PDIA5: variants seen among roughly 807,000 people sequenced by gnomAD.
PDIA5 encodes protein disulfide-isomerase A5.
PDIA5 carries 58 observed loss-of-function variants against 77.6 expected under a neutral mutation model. The ratio of observed to expected loss-of-function variants is 0.75; its 90% CI spans 0.61 to 0.93. PDIA5 has a LOEUF of 0.93. PDIA5 is among the 40% of genes least tolerant of loss of function. The pLI is 0.00. For missense variants in PDIA5, 630 were observed against 647.7 expected, an observed-to-expected ratio of 0.97 and a Z score of 0.30; for synonymous variants, 250 against 252.1, an observed-to-expected ratio of 0.99 and a Z score of 0.08.
At chr3:123,097,882 G>C (rs190838242) in intron 3 of PDIA5, among the ~76,000 whole-genome samples, 3 of 152,244 alleles carry the variant, frequency 2.0e-5, no homozygotes, top group Admixed American at 2.0e-4. Flanking sequence ...GTAGTCGTGG[G>C]CACAAAGTTA....
At position 123,150,381 on chromosome 3, in the gene PDIA5, C is replaced by A; in HGVS notation, c.1273+17C>A. On this transcript the variant is annotated intron_variant, in intron 14 of 16. Transcript: ENST00000316218. ...ACGCCCCTTGTAAGTAGCTTGGGTG[C>A]TCACTGAGTGGCACAGTAAGAGGGG... The A allele has an allele frequency of 6.2e-7, 1 of 1,610,406 alleles. No homozygotes were observed. Among genetic ancestry groups the A allele is most frequent in the Non-Finnish European group, 8.5e-7 (1 of 1,178,222 alleles).
intron 9 of PDIA5, 35 bp downstream of exon 9, chr3:123,124,192 C>A: frequency 6.3e-7 from 1 of 1,587,084 alleles, no homozygotes; most frequent in Non-Finnish European, 8.7e-7. Flanking sequence ...AGCTCACCTC[C>A]CTCCCTGGTG....
intron 8 of PDIA5, among the ~76,000 whole-genome samples, chr3:123,122,622 T>C (rs1431598521): frequency 2.0e-5 from 3 of 152,168 alleles, no homozygotes; most frequent in Non-Finnish European, 4.4e-5. Flanking sequence ...GTTACTGAGC[T>C]CCAGTTTTGT....
At position 123,124,082 on chromosome 3, in the gene PDIA5, A is replaced by C; in HGVS notation, c.626A>C (p.Asn209Thr). The change falls in exon 9 of 17, where the codon AAT becomes ACT. Residue 209 changes from asparagine (N) to threonine (T), a missense_variant. Asn to Thr is a moderately conservative substitution (Grantham distance 65, BLOSUM62 0). Transcript: ENST00000316218. ...LRGHAVLAGM[N>T]VYSSEFENIK... ...TCCTCCCAGGTGCTGGCCGGGATGA[A>C]TGTCTACTCCTCTGAATTTGAAAAC... 6.2e-7 allele frequency: 1 copy of C among 1,613,808 alleles called. No homozygotes were observed. The highest frequency in any genetic ancestry group is 2.2e-5 in the East Asian group (1 of 44,878).
intron 14 of PDIA5, among the ~76,000 whole-genome samples, chr3:123,153,845 G>A (rs577272892): frequency 1.3e-5 from 2 of 152,314 alleles, no homozygotes; most frequent in South Asian, 4.1e-4. Context: ...TTTTAAAAAG[G>A]AGAAAGTAGA....
At chr3:123,136,378 G>C (rs1158265700) in intron 11 of PDIA5, among the ~76,000 whole-genome samples, 1 of 152,112 alleles carries the variant, frequency 6.6e-6, no homozygotes, top group Non-Finnish European at 1.5e-5. Flanking sequence ...CCCTTCTCAG[G>C]GCTGGTCACC....
chr3:123,083,690 T>C (rs1009854052), intron 1 of PDIA5, among the ~76,000 whole-genome samples: 1 of 152,116 alleles, frequency 6.6e-6, no homozygotes, highest in Non-Finnish European at 1.5e-5. Context: ...AAGGAACAGA[T>C]AGTTTTTGCA....
At chr3:123,139,818 A>C (rs1231621507) in intron 11 of PDIA5, among the ~76,000 whole-genome samples, 1 of 152,214 alleles carries the variant, frequency 6.6e-6, no homozygotes. Flanking sequence ...TAATTCATTC[A>C]GAAAGCGTGT....
chr3:123,134,063 A>G (rs893005229), intron 11 of PDIA5, among the ~76,000 whole-genome samples: 8 of 149,398 alleles, frequency 5.4e-5, no homozygotes, highest in Admixed American at 5.4e-4. Flanking sequence ...TTGCTCTGTC[A>G]CTCAGGCTGG....
At chr3:123,133,837 A>G (rs1023047149) in intron 11 of PDIA5, among the ~76,000 whole-genome samples, 2 of 152,208 alleles carry the variant, frequency 1.3e-5, no homozygotes, top group Admixed American at 6.5e-5. Flanking sequence ...TTATGACTCT[A>G]TGCTAATTAT....
At chr3:123,133,967 GTTTTC>G (rs200601178) in intron 11 of PDIA5, among the ~76,000 whole-genome samples, 1 of 148,758 alleles carries the variant, frequency 6.7e-6, no homozygotes, top group Non-Finnish European at 1.5e-5. Context: ...AGTGTTGTTT[GTTTTC>G]TTTTCTTTTC....
intron 1 of PDIA5, among the ~76,000 whole-genome samples, chr3:123,068,749 A>G (rs996263279): frequency 1.3e-5 from 2 of 152,180 alleles, no homozygotes; most frequent in Non-Finnish European, 2.9e-5. Flanking sequence ...CGGAGAGCAA[A>G]ACACACATTG....
intron 8 of PDIA5, among the ~76,000 whole-genome samples, chr3:123,122,587 A>G (rs1162536849): frequency 6.6e-6 from 1 of 152,200 alleles, no homozygotes; most frequent in Admixed American, 6.5e-5. Flanking sequence ...TCCCATCACC[A>G]GGAAGACTTG....
intron 1 of PDIA5, among the ~76,000 whole-genome samples, chr3:123,082,505 A>T (rs1934035790): frequency 6.6e-6 from 1 of 151,566 alleles, no homozygotes; most frequent in South Asian, 2.1e-4. Flanking sequence ...GTGCCGTGTG[A>T]CCTCTTGGTC....
Position 123,111,002 on chromosome 3 carries a change from C to G in PDIA5, c.539C>G (p.Pro180Arg), listed in dbSNP as rs1200264780. 7.4e-6 allele frequency: 12 copies of G among 1,612,910 alleles called. No homozygotes were observed. The East Asian group carries it at 8.9e-5, about 12-fold the overall frequency. Residue 180 changes from proline to arginine, a missense_variant and splice_region_variant, in exon 7 of 17, where the codon CCC (proline) becomes CGC (arginine). Pro to Arg is a moderately radical substitution (Grantham distance 103). Transcript: ENST00000316218. The part of the protein sequence containing the change: ...EKPLLIMFYA[P>R]WCSMCKRMMP... ...CCGCTCCTGATCATGTTTTATGCCC[C>G]CTGTGAGTGAACTTTCTCCCTTGGG...
At position 123,122,542 on chromosome 3, in the gene PDIA5, G is replaced by A. The variant is rs573918697; in HGVS notation, c.610-1524G>A. Among the ~76,000 whole-genome samples, 18 of 152,330 alleles carry A rather than the reference G, an allele frequency of 1.2e-4. No individual in the cohort carries two copies. The East Asian group carries it at 3.1e-3, about 26-fold the overall frequency. ...AAAACAATTGGAAAGATATCCAGGT[G>A]CCCCTAGGAATGGAGAGGCCAGAGG... is the stretch of plus-strand genomic sequence containing the variant. On this transcript the variant is annotated intron_variant, in intron 8 of 16. Transcript: ENST00000316218.
At position 123,099,975 on chromosome 3, in the gene PDIA5, G is replaced by A. The variant is rs545365938; in HGVS notation, c.258-2436G>A. ...TGCAGTGTGAACGGAGAGGCAATGA[G>A]CAAGCCCTTCGCAGCTGCTGGTGTC... On this transcript the variant is annotated intron_variant, in intron 3 of 16. Coordinates refer to ENST00000316218, the MANE Select transcript of PDIA5 (RefSeq NM_006810.4). Among the ~76,000 whole-genome samples, 27 of 152,376 alleles carry A rather than the reference G, an allele frequency of 1.8e-4. No individual in the cohort carries two copies. In the South Asian group the frequency reaches 4.6e-3, roughly 26 times the overall value.
At chr3:123,139,964 T>C (rs1388143849) in intron 11 of PDIA5, among the ~76,000 whole-genome samples, 1 of 152,034 alleles carries the variant, frequency 6.6e-6, no homozygotes, top group Non-Finnish European at 1.5e-5. Context: ...CCAGCTGCTT[T>C]GAGTACAATT....
At chr3:123,119,746 G>A (rs1935063888) in intron 8 of PDIA5, among the ~76,000 whole-genome samples, 1 of 152,194 alleles carries the variant, frequency 6.6e-6, no homozygotes, top group African/African-American at 2.4e-5. Context: ...AGAAATCAAA[G>A]TTCACCCCCT....
Sources: allele counts gnomAD v4.1 joint callset (sites outside exome capture counted in the v4.1 genomes callset), GRCh38; gene constraint gnomAD v4.1.1; transcripts MANE v1.5; gene names NCBI Gene and HGNC (gene_info 2026-07-23, HGNC 2026-07-21).